Variants in CDKL1 observed in about 807,000 individuals in gnomAD.
The protein encoded by CDKL1 is cyclin dependent kinase like 1, also known as cyclin-dependent kinase-like 1.
A neutral mutation model predicts 42.0 loss-of-function variants in CDKL1; 41 were observed. The ratio of observed to expected loss-of-function variants is 0.98; its 90% CI spans 0.76 to 1.27. The LOEUF (loss-of-function observed/expected upper bound fraction) is 1.27. Among genes scored for constraint, CDKL1 ranks in the 50% most tolerant of loss-of-function variants. The probability of loss-of-function intolerance (pLI) is 0.00; values close to 1 mark genes in which losing one functional copy is unlikely to be tolerated. For missense variants in CDKL1, 394 were observed against 428.4 expected (o/e 0.92, Z 0.71); for synonymous variants, 153 against 158.6 (o/e 0.96, Z 0.26).
At chr14:50,378,384 C>G in intron 2 of CDKL1, 1 of 1,366,468 alleles carries the variant, frequency 7.3e-7, no homozygotes, top group Non-Finnish European at 9.8e-7. Flanking sequence ...TCATAGGTAC[C>G]AGCAGCCGTC....
chr14:50,368,884 T>C (rs1166541148), intron 2 of CDKL1, among the ~76,000 whole-genome samples: 1 of 151,062 alleles, frequency 6.6e-6, no homozygotes, highest in East Asian at 2.0e-4. Context: ...TTTTTTTTTT[T>C]TAGATGGAGT....
At chr14:50,341,470 GGGT>G (rs1378965066) in intron 5 of CDKL1, among the ~76,000 whole-genome samples, 79 of 133,776 alleles carry the variant, frequency 5.9e-4, no homozygotes, top group Non-Finnish European at 8.0e-4. Flanking sequence ...GGGGGGGGGG[GGGT>G]TATTTGGCTT....
intron 2 of CDKL1, among the ~76,000 whole-genome samples, chr14:50,383,527 T>A (rs1384135014): frequency 1.4e-5 from 2 of 145,800 alleles, no homozygotes; most frequent in African/African-American, 5.1e-5. Flanking sequence ...CACTCCAGCC[T>A]GAGCAACACA....
At chr14:50,365,688 A>ACTG (rs2034418387) in intron 2 of CDKL1, among the ~76,000 whole-genome samples, 1 of 152,162 alleles carries the variant, frequency 6.6e-6, no homozygotes, top group South Asian at 2.1e-4. Flanking sequence ...GATGCAAAGT[A>ACTG]CTGTTTCTGG....
chr14:50,380,316 C>G, intron 2 of CDKL1: 1 of 474,276 alleles, frequency 2.1e-6, no homozygotes, highest in Non-Finnish European at 4.3e-6. Flanking sequence ...TGCTAACCCC[C>G]TCAACTCACC....
intron 8 of CDKL1, 30 bp from the exon 9 acceptor site, chr14:50,332,462 C>A (rs1282497480): frequency 1.3e-6 from 2 of 1,572,630 alleles, no homozygotes; most frequent in African/African-American, 1.4e-5. Context: ...CTTCTTCTTA[C>A]TTCTTCAAAA....
At chr14:50,387,040 A>AAAAAAAG (rs2035103576) in intron 2 of CDKL1, among the ~76,000 whole-genome samples, 1 of 74,018 alleles carries the variant, frequency 1.4e-5, no homozygotes, top group South Asian at 4.2e-4. Context: ...AAGAAAAAAA[A>AAAAAAAG]AAAAAGAATA....
chr14:50,360,012 CA>C (rs1179559220), intron 2 of CDKL1, among the ~76,000 whole-genome samples: 1 of 152,100 alleles, frequency 6.6e-6, no homozygotes, highest in Non-Finnish European at 1.5e-5. Context: ...GTCCCTTCTG[CA>C]GTGCCCATTC....
chr14:50,360,137 T>C (rs1183705634), intron 2 of CDKL1, among the ~76,000 whole-genome samples: 1 of 152,180 alleles, frequency 6.6e-6, no homozygotes, highest in African/African-American at 2.4e-5. Flanking sequence ...TAATTTTCCA[T>C]AAGAATTTTA....
At chr14:50,383,564 AAC>A (rs1272516119) in intron 2 of CDKL1, among the ~76,000 whole-genome samples, 4 of 59,298 alleles carry the variant, frequency 6.7e-5, no homozygotes, top group African/African-American at 3.3e-4. Flanking sequence ...AAAAAAAAAA[AAC>A]AAACAACAAC....
chr14:50,373,051 G>C (rs536337081), intron 2 of CDKL1, among the ~76,000 whole-genome samples: 1 of 152,214 alleles, frequency 6.6e-6, no homozygotes, highest in South Asian at 2.1e-4. Context: ...TATTAGCATA[G>C]TTTTTTCTAT....
chr14:50,359,195 C>T (rs965045479), intron 2 of CDKL1, 46 bp from the exon 3 acceptor site: 20 of 1,580,474 alleles, frequency 1.3e-5, no homozygotes, highest in East Asian at 6.8e-5. Flanking sequence ...TTGTGAAAGA[C>T]AGCTTTCTCT....
intron 2 of CDKL1, among the ~76,000 whole-genome samples, chr14:50,379,898 G>C (rs2034853136): frequency 6.6e-6 from 1 of 152,202 alleles, no homozygotes; most frequent in South Asian, 2.1e-4. Context: ...AACTGGGAAA[G>C]GAAAATACTC....
intron 2 of CDKL1, among the ~76,000 whole-genome samples, chr14:50,374,517 C>T (rs2034675378): frequency 6.6e-6 from 1 of 152,160 alleles, no homozygotes; most frequent in Non-Finnish European, 1.5e-5. Context: ...GAAACAACCT[C>T]ACCAAAGAGG....
At chr14:50,335,521 T>G (rs1417321950) in intron 7 of CDKL1, 1 of 1,535,960 alleles carries the variant, frequency 6.5e-7, no homozygotes, top group African/African-American at 1.4e-5. Context: ...TATAAGGCGA[T>G]TTTGCGCCAG....
intron 3 of CDKL1, among the ~76,000 whole-genome samples, chr14:50,356,288 T>C (rs1315149261): frequency 2.0e-5 from 3 of 152,194 alleles, no homozygotes; most frequent in Admixed American, 6.5e-5. Flanking sequence ...CCTGAAACTT[T>C]ACCTAGTCCT....
intron 2 of CDKL1, among the ~76,000 whole-genome samples, chr14:50,386,382 C>CTGT (rs779479960): frequency 3.0e-4 from 46 of 152,248 alleles, no homozygotes; most frequent in Non-Finnish European, 5.1e-4. Context: ...TACAGTGAGC[C>CTGT]ATGACTGTGC....
At chr14:50,349,287 A>G (rs1199414528) in intron 3 of CDKL1, among the ~76,000 whole-genome samples, 1 of 152,232 alleles carries the variant, frequency 6.6e-6, no homozygotes. Context: ...GCCTATATCC[A>G]AACAAAATAC....
At chr14:50,334,809 A>C in intron 7 of CDKL1, 188 bp from the exon 8 acceptor site, 4 of 526,636 alleles carry the variant, frequency 7.6e-6, no homozygotes, top group Middle Eastern at 5.1e-4. Flanking sequence ...CCACCTCCAA[A>C]TCGCTTTTCC....
Sources: gnomAD v4.1 joint callset for allele counts (sites outside exome capture counted in the v4.1 genomes callset) on GRCh38, gnomAD v4.1.1 for gene constraint, MANE v1.5 for transcripts, NCBI Gene and HGNC (gene_info 2026-07-23, HGNC 2026-07-21) for gene names.